MYO9A: variants seen among roughly 807,000 people sequenced by gnomAD.
MYO9A encodes the protein unconventional myosin-IXa.
MYO9A carries 103 observed loss-of-function variants against 293.3 expected under a neutral mutation model. That is an observed-to-expected ratio of 0.35 (90% confidence interval 0.30 to 0.41). MYO9A has a LOEUF of 0.41. Among genes scored for constraint, MYO9A ranks in the 10% least tolerant of loss-of-function variants. The probability of loss-of-function intolerance (pLI) is 1.00; values close to 1 mark genes in which losing one functional copy is unlikely to be tolerated. For missense variants in MYO9A, 2,685 were observed against 3,033.0 expected (o/e 0.89, Z 2.69); for synonymous variants, 1,001 against 1,035.7 (o/e 0.97, Z 0.64).
At chr15:71,911,712 T>C (rs576260338) in intron 19 of MYO9A, among the ~76,000 whole-genome samples, 10 of 152,344 alleles carry the variant, frequency 6.6e-5, no homozygotes, top group African/African-American at 1.9e-4. Flanking sequence ...TGCATAAACA[T>C]TGCACAGTTC....
At chr15:71,966,420 A>T (rs1264058542) in intron 13 of MYO9A, among the ~76,000 whole-genome samples, 1 of 151,902 alleles carries the variant, frequency 6.6e-6, no homozygotes, top group Admixed American at 6.6e-5. Context: ...AGAAATCTAA[A>T]CACTTTATTT....
intron 1 of MYO9A, among the ~76,000 whole-genome samples, chr15:72,079,318 A>T (rs916269542): frequency 1.3e-5 from 2 of 152,108 alleles, no homozygotes; most frequent in Admixed American, 6.5e-5. Context: ...AGAAAATTTA[A>T]AATTTTAAAA....
chr15:71,987,465 A>G (rs918156534), intron 11 of MYO9A, among the ~76,000 whole-genome samples: 1 of 152,196 alleles, frequency 6.6e-6, no homozygotes, highest in African/African-American at 2.4e-5. Flanking sequence ...TTTGCCTAAA[A>G]TATCTTTTCC....
chr15:71,933,627 T>C, intron 18 of MYO9A, 43 bp downstream of exon 18: 1 of 1,531,948 alleles, frequency 6.5e-7, no homozygotes, highest in Non-Finnish European at 9.0e-7. Context: ...AAAATAATTG[T>C]GTAGCAGAAT....
chr15:72,015,688 T>G (rs1334559546), intron 6 of MYO9A, among the ~76,000 whole-genome samples: 2 of 147,304 alleles, frequency 1.4e-5, no homozygotes, highest in African/African-American at 5.1e-5. Context: ...ATCAGGTTTT[T>G]TTTTTTTTTT....
rs569504765 is a variant in MYO9A, at chr15:71,899,786, G to C, written c.3371C>G (p.Ala1124Gly). The C allele has an allele frequency of 6.2e-7, 1 of 1,614,018 alleles. No individual in the cohort carries two copies. Among genetic ancestry groups the C allele is most frequent in the African/African-American group, 1.3e-5 (1 of 74,984 alleles). The change falls in exon 24 of 42, where the codon GCA becomes GGA. Residue 1124 changes from alanine (A) to glycine (G), a missense_variant. Physicochemically the swap from Ala to Gly is moderately conservative, Grantham distance 60 (BLOSUM62 0). Around this residue, in one of 10 missense-constraint regions of MYO9A, gnomAD observed 1,434 missense variants for 1,497.7 expected, o/e 0.96. Transcript: ENST00000356056. ...RRHMAAICIQ[A>G]RWKAYRESKR... is the part of the protein sequence containing the mutation. ...ACTTTCCCTGTAGGCTTTCCATCTT[G>C]CTTGTATGCAAATAGCAGCCATGTG...
At chr15:72,059,664 C>T (rs898609916) in intron 1 of MYO9A, among the ~76,000 whole-genome samples, 1 of 152,076 alleles carries the variant, frequency 6.6e-6, no homozygotes, top group African/African-American at 2.4e-5. Flanking sequence ...ATTGAGATAT[C>T]CTGAACTTAG....
chr15:71,890,684 T>G (rs1007979737), intron 26 of MYO9A: 2 of 152,124 alleles, frequency 1.3e-5, no homozygotes, highest in South Asian at 4.1e-4. Context: ...ACTACTACAC[T>G]TGTTTCCCCT....
chr15:72,078,900 A>G (rs1336358035), intron 1 of MYO9A, among the ~76,000 whole-genome samples: 1 of 152,236 alleles, frequency 6.6e-6, no homozygotes, highest in African/African-American at 2.4e-5. Context: ...TTCCAACTAC[A>G]TGACATTCTG....
rs546923699 is a variant in MYO9A, at chr15:71,872,776, CTGTG to C, written c.5979+3011_5979+3014del. ...AGATATTTTATATGTGTGTATATGT[CTGTG>C]TGTGAGTACAGATATTAAAATTTTT... On this transcript the variant is annotated intron_variant, in intron 32 of 41. Transcript: ENST00000356056. Among the ~76,000 whole-genome samples, 20 of 152,144 alleles carry C rather than the reference CTGTG, an allele frequency of 1.3e-4. 1 individual carries two copies. Among genetic ancestry groups the C allele is most frequent in the South Asian group, 4.1e-4 (2 of 4,826 alleles).
Position 71,830,264 on chromosome 15 carries a change from AGGAGACGAT to A in MYO9A, c.6876_6884del (p.Ser2293_Pro2295del). The A allele has an allele frequency of 1.2e-6, 2 of 1,614,054 alleles. No homozygotes were observed. The highest frequency in any genetic ancestry group is 8.5e-7 in the Non-Finnish European group (1 of 1,179,984). ...ACACAGAAGGCAACCGAACTACAACAGGAGACGATGGACCTGGATAGTTTCCTCGACGAA... is the reference window on the plus strand; with the variant it reads ...ACACAGAAGGCAACCGAACTACAACAGGACCTGGATAGTTTCCTCGACGAA... On this transcript the variant is annotated inframe_deletion, in exon 40 of 42. Transcript: ENST00000356056.
chr15:71,910,099 T>TAC (rs2057789889), intron 19 of MYO9A, among the ~76,000 whole-genome samples: 2 of 144,418 alleles, frequency 1.4e-5, no homozygotes, highest in Admixed American at 7.0e-5. Flanking sequence ...TATATATATA[T>TAC]ACGTATATAT....
intron 1 of MYO9A, among the ~76,000 whole-genome samples, chr15:72,107,780 T>C (rs1355919278): frequency 8.7e-6 from 1 of 114,596 alleles, no homozygotes; most frequent in Non-Finnish European, 1.7e-5. Flanking sequence ...CTGTCCTTAT[T>C]TGAGACAATT....
intron 1 of MYO9A, among the ~76,000 whole-genome samples, chr15:72,105,696 G>A (rs2151017360): frequency 6.6e-6 from 1 of 151,950 alleles, no homozygotes; most frequent in African/African-American, 2.4e-5. Context: ...TAGTAGAGAT[G>A]GGGTTTCTAC....
At position 72,073,730 on chromosome 15, in the gene MYO9A, T is replaced by C. The variant is rs148313327; in HGVS notation, c.-71-27096A>G. On this transcript the variant is annotated intron_variant, in intron 1 of 41. Transcript: ENST00000356056. ...ATTTGGATAACTCTTACAGACCAAA[T>C]TGAGGTATCTACTAACCGAAAGGAA... is the stretch of plus-strand genomic sequence containing the variant. 5.6e-3 allele frequency among the ~76,000 whole-genome samples: 857 copies of C among 152,292 alleles called. 10 individuals are homozygous for C. Among genetic ancestry groups the C allele is most frequent in the African/African-American group, 0.019 (810 of 41,550 alleles).
At position 71,937,139 on chromosome 15, in the gene MYO9A, G is replaced by A. The variant is rs191119133; in HGVS notation, c.2379-1655C>T. On this transcript the variant is annotated intron_variant, in intron 16 of 41. Coordinates refer to ENST00000356056, the MANE Select transcript of MYO9A (RefSeq NM_006901.4). ...TGAAATGACAACATATTCTGCAGTA[G>A]GGACTGTGAGGAAAAAATTCTTTTA... Among the ~76,000 whole-genome samples the A allele has an allele frequency of 5.6e-3, 858 of 152,182 alleles. 12 individuals carry two copies. Among genetic ancestry groups the A allele is most frequent in the African/African-American group, 0.02 (813 of 41,524 alleles).
chr15:72,103,384 G>A (rs1385278769), intron 1 of MYO9A, among the ~76,000 whole-genome samples: 3 of 148,618 alleles, frequency 2.0e-5, no homozygotes, highest in Admixed American at 2.0e-4. Flanking sequence ...AGCAGAAGCA[G>A]CAGCAGCAGA....
In MYO9A at chr15:71,824,437, T is replaced by A. The variant is rs2742323; in HGVS notation, c.*2143A>T. On this transcript the variant is annotated 3_prime_UTR_variant, in exon 42 of 42. Transcript: ENST00000356056. ...ACAGGAAATTATTCCATAAGGGCAATCTCTTTTTTTCATACAGGATTTAAC... is the reference window on the plus strand; with the variant it reads ...ACAGGAAATTATTCCATAAGGGCAAACTCTTTTTTTCATACAGGATTTAAC... 0.2 allele frequency: 29,789 copies of A among 152,048 alleles called. 3,160 individuals carry two copies. The highest frequency in any genetic ancestry group is 0.4 in the East Asian group (2,060 of 5,158). 9.4% of individuals were successfully genotyped at this position (152,048 alleles called of 1,614,324 possible).
intron 8 of MYO9A, among the ~76,000 whole-genome samples, chr15:72,005,943 A>G (rs913784977): frequency 6.6e-6 from 1 of 152,252 alleles, no homozygotes; most frequent in Non-Finnish European, 1.5e-5. Flanking sequence ...CAAGTTATTC[A>G]TAACTGTCAA....
Sources: gnomAD v4.1 joint callset for allele counts (sites outside exome capture counted in the v4.1 genomes callset) on GRCh38, gnomAD v4.1.1 for gene constraint, gnomAD v4.1.1 regional missense constraint, MANE v1.5 for transcripts, NCBI Gene and HGNC (gene_info 2026-07-23, HGNC 2026-07-21) for gene names.